FUS: variants seen among roughly 807,000 people sequenced by gnomAD.
FUS encodes RNA-binding protein FUS.
A neutral mutation model predicts 82.7 loss-of-function variants in FUS; 5 were observed. The observed-to-expected ratio is 0.06, with a 90% CI of 0.03 to 0.13. The LOEUF is 0.13. Among genes scored for constraint, FUS ranks in the 10% least tolerant of loss-of-function variants. The probability of loss-of-function intolerance (pLI) is 1.00; values close to 1 mark genes in which losing one functional copy is unlikely to be tolerated. For missense variants in FUS, 512 were observed against 707.8 expected (o/e 0.72, Z 3.14); for synonymous variants, 281 against 247.4 (o/e 1.14, Z -1.27).
chr16:31,192,925 T>A (rs1243098914), downstream of FUS: 3 of 485,504 alleles, frequency 6.2e-6, no homozygotes, highest in Non-Finnish European at 1.2e-5. Context: ...GAAGAGTTGC[T>A]GCATCCTTGA....
intron 4 of FUS, 102 bp from the exon 5 acceptor site, chr16:31,184,107 G>C: frequency 6.2e-7 from 1 of 1,612,636 alleles, no homozygotes. Flanking sequence ...AATTGGGGTA[G>C]GGGAGCCTGT....
intron 6 of FUS, chr16:31,186,318 G>A (rs1041491820): frequency 6.5e-6 from 2 of 308,396 alleles, no homozygotes; most frequent in African/African-American, 4.2e-5. Context: ...TTAAGGGGAA[G>A]TTGCCTTTGG....
At chr16:31,193,809 T>G (rs1376440627), downstream of FUS, 1 of 514,150 alleles carries the variant, frequency 1.9e-6, no homozygotes, top group Non-Finnish European at 3.7e-6. Flanking sequence ...GGTAATTTTT[T>G]TTTTAATTAC....
At position 31,190,309 on chromosome 16, in the gene FUS, C is replaced by T. The variant is rs1567477518; in HGVS notation, c.1203C>T (p.Gly401=). 1.9e-6 allele frequency: 3 copies of T among 1,613,966 alleles called. No individual in the cohort carries two copies. The highest frequency in any genetic ancestry group is 1.7e-5 in the Admixed American group (1 of 59,984). The stretch of plus-strand genomic sequence containing the variant: ...GCCGTGGAGGCTATGGAGGTGGTGG[C>T]AGTGGTGGTGGTGGCCGAGGAGGAT... ...PMGRGGYGGG[G]SGGGGRGGFP... is the part of the protein sequence containing the mutation. The change falls in exon 12 of 15, where the codon GGC becomes GGT. Residue 401 remains glycine (G), a synonymous_variant. Coordinates refer to ENST00000254108, the MANE Select transcript of FUS (RefSeq NM_004960.4).
chr16:31,193,004 C>G (rs1268126146), downstream of FUS: 1 of 485,454 alleles, frequency 2.1e-6, no homozygotes, highest in East Asian at 4.9e-5. Flanking sequence ...TCTTGTTGCC[C>G]AGGCTGGAGT....
At chr16:31,189,901 T>C (rs1382019335) in intron 10 of FUS, 107 bp downstream of exon 10, 9 of 1,595,196 alleles carry the variant, frequency 5.6e-6, no homozygotes, top group African/African-American at 2.7e-5. Flanking sequence ...ACACTTACTT[T>C]AGCTGCGGTT....
In FUS at chr16:31,184,158, A is replaced by G. The variant is rs750837234; in HGVS notation, c.336-51A>G. On this transcript the variant is annotated intron_variant, in intron 4 of 14. Transcript: ENST00000254108. Reference sequence around the variant, plus strand: ...TGGACTCCACTAAAAGTGAAAGGAAATTGGGGGCTATGCTGGGATTGTGAT... The same window carrying G: ...TGGACTCCACTAAAAGTGAAAGGAAGTTGGGGGCTATGCTGGGATTGTGAT... The G allele has an allele frequency of 2.1e-5, 34 of 1,614,028 alleles. No individual in the cohort carries two copies. In the South Asian group the frequency reaches 3.6e-4, roughly 17 times the overall value.
chr16:31,188,939 CTG>C (rs1699792824), intron 8 of FUS, 182 bp from the exon 9 acceptor site: 1 of 625,308 alleles, frequency 1.6e-6, no homozygotes, highest in Non-Finnish European at 2.8e-6. Flanking sequence ...AATTGTCAAA[CTG>C]AATCTGAAAT....
chr16:31,183,627 G>T lies in FUS; in HGVS notation c.191-231G>T, dbSNP rs1398769386. 3 of 549,366 alleles carry T rather than the reference G, an allele frequency of 5.5e-6. No individual in the cohort carries two copies. In the East Asian group the frequency reaches 1.0e-4, roughly 19 times the overall value. 34.0% of individuals were successfully genotyped at this position (549,366 alleles called of 1,614,324 possible). A position where few individuals can be genotyped will look rare whatever the true frequency, so the allele number is the denominator to read the frequency against. ...TTTAGAGGGTGGTGCTGGAGATGGT[G>T]TTGGGATTGGCGGGGTGAAATTGGA... On this transcript the variant is annotated intron_variant, in intron 3 of 14. Coordinates refer to ENST00000254108, the MANE Select transcript of FUS (RefSeq NM_004960.4).
rs762559707 is a variant in FUS, at chr16:31,191,532, G to C, written c.*94G>C. The C allele has an allele frequency of 2.2e-6, 3 of 1,368,370 alleles. No homozygotes were observed. Among genetic ancestry groups the C allele is most frequent in the Admixed American group, 1.7e-5 (1 of 58,072 alleles). 84.8% of individuals were successfully genotyped at this position (1,368,370 alleles called of 1,614,324 possible). ...AACCTTCCAATTCCTGATCACCCAA[G>C]GGTTTTTTTGTGTCGGACTATGTAA... On this transcript the variant is annotated 3_prime_UTR_variant, in exon 15 of 15. Coordinates refer to ENST00000254108, the MANE Select transcript of FUS (RefSeq NM_004960.4).
At chr16:31,180,287 T>C (rs2058036411) in intron 1 of FUS, 60 bp downstream of exon 1, 2 of 1,571,578 alleles carry the variant, frequency 1.3e-6, no homozygotes, top group Non-Finnish European at 1.7e-6. Flanking sequence ...CCAGCTGGGC[T>C]TTTCGTTTTC....
Position 31,190,987 on chromosome 16 carries a change from G to C in FUS, c.1418G>C (p.Arg473Pro), listed in dbSNP as rs777102516. 6.2e-7 allele frequency: 1 copy of C among 1,613,548 alleles called. No individual in the cohort carries two copies. Among genetic ancestry groups the C allele is most frequent in the Non-Finnish European group, 8.5e-7 (1 of 1,179,664 alleles). Residue 473 changes from arginine (R) to proline (P), a missense_variant, in exon 14 of 15, where the codon CGT becomes CCT. Arg to Pro is a moderately radical substitution (Grantham distance 103). Coordinates refer to ENST00000254108, the MANE Select transcript of FUS (RefSeq NM_004960.4). ...HMGGNYGDDR[R>P]GGRGGYDRGG... is the part of the protein sequence containing the mutation. The stretch of plus-strand genomic sequence containing the variant: ...GGGGGTAACTACGGGGATGATCGTC[G>C]TGGTGGCAGAGGAGGCTATGATCGA...
At chr16:31,191,343 G>T in intron 14 of FUS, 56 bp from the exon 15 acceptor site, 1 of 1,605,794 alleles carries the variant, frequency 6.2e-7, no homozygotes, top group Non-Finnish European at 8.5e-7. Context: ...TCTAGGCTTG[G>T]AGAGGCTGGT....
At chr16:31,186,399 A>C in intron 6 of FUS, 1 of 368,130 alleles carries the variant, frequency 2.7e-6, no homozygotes, top group South Asian at 3.3e-5. Context: ...AAATGTGTTC[A>C]AGGCTACCCC....
rs200997075 is a variant in FUS, at chr16:31,180,166, G to A, written c.-49G>A. The A allele has an allele frequency of 1.6e-4, 249 of 1,603,352 alleles. No individual in the cohort carries two copies. Among genetic ancestry groups the A allele is most frequent in the Non-Finnish European group, 1.9e-4 (226 of 1,174,944 alleles). ...TCAGTCCTCCAGGCGTCGGTACTCA[G>A]CGGTGTTGGAACTTCGTTGCTTGCT... On this transcript the variant is annotated 5_prime_UTR_variant, in exon 1 of 15. Transcript: ENST00000254108.
rs748104616 is a variant in FUS, at chr16:31,190,062, T to C, written c.1089T>C (p.Pro363=). 1 of 1,613,754 alleles carries C rather than the reference T, an allele frequency of 6.2e-7. No homozygotes were observed. The highest frequency in any genetic ancestry group is 1.1e-5 in the South Asian group (1 of 91,050). ...WFDGKEFSGN[P]IKVSFATRRA... ...TAGGTAAAGAATTCTCCGGAAATCC[T>C]ATCAAGGTCTCATTTGCTACTCGCC... The change falls in exon 11 of 15, where the codon CCT becomes CCC. Residue 363 remains proline, a synonymous_variant. Transcript: ENST00000254108.
intron 7 of FUS, 36 bp from the exon 8 acceptor site, chr16:31,188,289 G>GTTTTT: frequency 7.2e-7 from 1 of 1,388,074 alleles, no homozygotes; most frequent in Non-Finnish European, 9.9e-7. Context: ...CCTTGTTTTT[G>GTTTTT]TTTTTTTTTT....
rs2079219830 is a variant in FUS, at chr16:31,183,943, G to A, written c.276G>A (p.Gly92=). 6.2e-7 allele frequency: 1 copy of A among 1,613,910 alleles called. No individual in the cohort carries two copies. The highest frequency in any genetic ancestry group is 8.5e-7 in the Non-Finnish European group (1 of 1,179,836). ...GSSQSSQSSY[G]QQSSYPGYGQ... ...GCCAGAGCTCCCAATCGTCTTACGGGCAGCAGTCCTCCTACCCTGGCTATG... is the reference window on the plus strand; with the variant it reads ...GCCAGAGCTCCCAATCGTCTTACGGACAGCAGTCCTCCTACCCTGGCTATG... The change falls in exon 4 of 15, where the codon GGG becomes GGA. Residue 92 remains glycine, a synonymous_variant. Transcript: ENST00000254108.
intron 1 of FUS, 38 bp downstream of exon 1, chr16:31,180,265 G>C (rs1032426607): frequency 1.3e-6 from 2 of 1,594,606 alleles, no homozygotes; most frequent in African/African-American, 1.3e-5. Context: ...CGGCGCACCC[G>C]GCCGAGGCCT....
Sources: allele counts gnomAD v4.1 joint callset, GRCh38; gene constraint gnomAD v4.1.1; transcripts MANE v1.5; gene names NCBI Gene and HGNC (gene_info 2026-07-23, HGNC 2026-07-21).